Variants in ACCSL observed in about 807,000 individuals in gnomAD.
ACCSL encodes the protein 1-aminocyclopropane-1-carboxylate synthase homolog (inactive) like.
A neutral mutation model predicts 61.7 loss-of-function variants in ACCSL; 55 were observed. The observed-to-expected ratio is 0.89, with a 90% CI of 0.72 to 1.12. The LOEUF (loss-of-function observed/expected upper bound fraction) is 1.12. ACCSL is among the 50% of genes most tolerant of loss of function. ACCSL has a pLI of 0.00. For missense variants in ACCSL, 632 were observed against 698.0 expected, an observed-to-expected ratio of 0.91 and a Z score of 1.07; for synonymous variants, 258 against 264.3, an observed-to-expected ratio of 0.98 and a Z score of 0.23.
chr11:44,039,357 C>T, the ACCSL span, among the ~76,000 whole-genome samples: 2 of 152,056 alleles, frequency 1.3e-5, no homozygotes. Context: ...ATCACAGCAA[C>T]CTGAATGGGA....
At chr11:43,983,889 GC>G in the ACCSL span, among the ~76,000 whole-genome samples, 1 of 152,150 alleles carries the variant, frequency 6.6e-6, no homozygotes, top group Non-Finnish European at 1.5e-5. Flanking sequence ...GCTGAGGCAG[GC>G]AGATCACTTG....
the ACCSL span, among the ~76,000 whole-genome samples, chr11:43,970,038 C>T: frequency 6.6e-6 from 1 of 151,958 alleles, no homozygotes; most frequent in East Asian, 1.9e-4. Context: ...GATTTAGGGC[C>T]AGGCTTGGTA....
At chr11:44,007,831 G>C in the ACCSL span, among the ~76,000 whole-genome samples, 1 of 152,194 alleles carries the variant, frequency 6.6e-6, no homozygotes, top group South Asian at 2.1e-4. Flanking sequence ...CACAGTAGGT[G>C]CTCTGTACAT....
chr11:43,986,302 A>ACCCCCC, the ACCSL span, among the ~76,000 whole-genome samples: 1 of 43,724 alleles, frequency 2.3e-5, no homozygotes, highest in African/African-American at 8.4e-5. Flanking sequence ...CTCCCACCCC[A>ACCCCCC]CCCCCACCCC....
chr11:43,954,455 C>T, the ACCSL span, among the ~76,000 whole-genome samples: 7 of 152,152 alleles, frequency 4.6e-5, no homozygotes, highest in Admixed American at 1.3e-4. Flanking sequence ...ATATAAGGCA[C>T]AAAAGATTGG....
chr11:43,938,403 G>A, the ACCSL span, among the ~76,000 whole-genome samples: 1 of 152,222 alleles, frequency 6.6e-6, no homozygotes, highest in Non-Finnish European at 1.5e-5. Context: ...CAGAAACATA[G>A]TAGGCTTCAT....
the ACCSL span, chr11:43,942,274 G>A: frequency 5.4e-5 from 9 of 166,444 alleles, no homozygotes; most frequent in Non-Finnish European, 1.2e-4. Context: ...AGGGGGCGGG[G>A]GAGGGGGACC....
the ACCSL span, among the ~76,000 whole-genome samples, chr11:44,012,643 T>C: frequency 3.9e-5 from 6 of 152,210 alleles, no homozygotes; most frequent in African/African-American, 1.4e-4. Context: ...TAAAGACATA[T>C]ACCCTTCATA....
the ACCSL span, among the ~76,000 whole-genome samples, chr11:43,990,233 A>T: frequency 5.9e-5 from 9 of 152,228 alleles, 1 homozygote; most frequent in Admixed American, 5.2e-4. Flanking sequence ...AGTGCTTAGG[A>T]CGTTGCCTGG....
the ACCSL span, among the ~76,000 whole-genome samples, chr11:43,997,372 G>A: frequency 2.0e-5 from 3 of 152,134 alleles, no homozygotes; most frequent in Non-Finnish European, 2.9e-5. Flanking sequence ...CTCCTGCCTC[G>A]CGATCCTCTG....
chr11:43,980,222 GTGT>G, the ACCSL span, among the ~76,000 whole-genome samples: 1 of 152,098 alleles, frequency 6.6e-6, no homozygotes, highest in Non-Finnish European at 1.5e-5. Context: ...ACCATCATTT[GTGT>G]TGTTGTAAAT....
chr11:43,951,472 C>G, the ACCSL span, among the ~76,000 whole-genome samples: 1 of 152,192 alleles, frequency 6.6e-6, no homozygotes, highest in Admixed American at 6.5e-5. Flanking sequence ...GGCTCCAGAC[C>G]TCTGGGGAGA....
the ACCSL span, among the ~76,000 whole-genome samples, chr11:44,030,611 G>A: frequency 6.6e-6 from 1 of 151,970 alleles, no homozygotes; most frequent in Non-Finnish European, 1.5e-5. Flanking sequence ...TGTGTCCCTT[G>A]CTAATTTATC....
In ACCSL at chr11:44,056,275, A is replaced by G. The variant is rs1042891106; in HGVS notation, c.1276A>G (p.Ser426Gly). Residue 426 changes from serine to glycine, a missense_variant, in exon 11 of 14, where the codon AGT becomes GGT. Ser to Gly is a moderately conservative substitution (Grantham distance 56, BLOSUM62 0). Transcript: ENST00000378832. ...TGTGAGTGCCTTTGGCTACCTCCACAGTATTTCTGGCATCACCCAGCACAA... is the reference window on the plus strand; with the variant it reads ...TGTGAGTGCCTTTGGCTACCTCCACGGTATTTCTGGCATCACCCAGCACAA... The part of the protein sequence containing the change: ...SAVSAFGYLH[S>G]ISGITQHKLC... The G allele has an allele frequency of 2.8e-5, 45 of 1,614,140 alleles. No homozygotes were observed. Among genetic ancestry groups the G allele is most frequent in the Non-Finnish European group, 3.6e-5 (43 of 1,180,062 alleles).
chr11:44,032,369 G>T, the ACCSL span, among the ~76,000 whole-genome samples: 46 of 152,236 alleles, frequency 3.0e-4, no homozygotes, highest in Non-Finnish European at 5.3e-4. Context: ...TTCATGTCTC[G>T]CTGACTGAAG....
chr11:43,953,679 G>A, the ACCSL span, among the ~76,000 whole-genome samples: 1 of 152,018 alleles, frequency 6.6e-6, no homozygotes, highest in Non-Finnish European at 1.5e-5. Flanking sequence ...CGCCACAACA[G>A]TTTACAAATG....
chr11:44,010,700 A>G, the ACCSL span, among the ~76,000 whole-genome samples: 1 of 152,220 alleles, frequency 6.6e-6, no homozygotes, highest in Admixed American at 6.5e-5. Context: ...GATAGCTAGA[A>G]GCAACTGATT....
intron 8 of ACCSL, 101 bp from the exon 9 acceptor site, chr11:44,055,101 A>G: frequency 1.2e-6 from 1 of 827,248 alleles, no homozygotes; most frequent in Non-Finnish European, 1.9e-6. Flanking sequence ...ACACCATAAA[A>G]GACATGACTT....
At chr11:44,005,802 G>A in the ACCSL span, among the ~76,000 whole-genome samples, 9 of 152,096 alleles carry the variant, frequency 5.9e-5, no homozygotes, top group Non-Finnish European at 1.3e-4. Context: ...GGAGATGGCG[G>A]ACCTGTTATC....
Sources: gnomAD v4.1 joint callset for allele counts (sites outside exome capture counted in the v4.1 genomes callset) on GRCh38, gnomAD v4.1.1 for gene constraint, MANE v1.5 for transcripts, NCBI Gene and HGNC (gene_info 2026-07-23, HGNC 2026-07-21) for gene names.